Variants in LINGO2 observed in about 807,000 individuals in gnomAD.
The protein encoded by LINGO2 is leucine rich repeat and Ig domain containing 2.
LINGO2 carries 14 observed loss-of-function variants against 30.6 expected under a neutral mutation model. The observed-to-expected ratio is 0.46, with a 90% CI of 0.30 to 0.72. The LOEUF (loss-of-function observed/expected upper bound fraction) is 0.72, where lower values mean the gene tolerates loss of function less well. Ranked by LOEUF, LINGO2 falls within the 30% of genes least tolerant of loss-of-function variation. The pLI is 0.07. For missense variants in LINGO2, 729 were observed against 751.7 expected, an observed-to-expected ratio of 0.97 and a Z score of 0.35; for synonymous variants, 317 against 288.5, an observed-to-expected ratio of 1.10 and a Z score of -1.00.
chr9:28,155,765 A>C (rs888838315), intron 4 of LINGO2, among the ~76,000 whole-genome samples: 4 of 152,162 alleles, frequency 2.6e-5, no homozygotes, highest in Non-Finnish European at 5.9e-5. Flanking sequence ...TTGGGAAGTG[A>C]TTATCTCACA....
At chr9:28,942,425 A>G in the LINGO2 span, among the ~76,000 whole-genome samples, 1 of 152,278 alleles carries the variant, frequency 6.6e-6, no homozygotes, top group South Asian at 2.1e-4. Flanking sequence ...AATTATAGAA[A>G]TCACCAAAAA....
In LINGO2 at chr9:28,430,748, T is replaced by A. The variant is rs149304501; in HGVS notation, c.-279+45192A>T. Among the ~76,000 whole-genome samples, 345 of 152,206 alleles carry A rather than the reference T, an allele frequency of 2.3e-3. 2 individuals carry two copies. The highest frequency in any genetic ancestry group is 7.9e-3 in the African/African-American group (328 of 41,542). ...GTAGCTTAAAACAACAAATGCTTAC[T>A]TTTTTACAGTTTCTATATGCCAGGA... On this transcript the variant is annotated intron_variant, in intron 2 of 5. Coordinates refer to ENST00000379992, the Ensembl canonical transcript of LINGO2.
intron 1 of LINGO2, among the ~76,000 whole-genome samples, chr9:28,522,244 A>G (rs1262114105): frequency 3.3e-5 from 5 of 152,208 alleles, no homozygotes; most frequent in African/African-American, 9.6e-5. Context: ...ATTAGTAGGA[A>G]CTCTGTGAAA....
the LINGO2 span, among the ~76,000 whole-genome samples, chr9:29,087,967 T>C: frequency 6.6e-6 from 1 of 152,254 alleles, no homozygotes; most frequent in African/African-American, 2.4e-5. Context: ...TGCTGGCACA[T>C]GTTGAGTACT....
At chr9:28,788,865 G>C in the LINGO2 span, among the ~76,000 whole-genome samples, 1 of 152,156 alleles carries the variant, frequency 6.6e-6, no homozygotes, top group Non-Finnish European at 1.5e-5. Context: ...TGAGATTTGG[G>C]TGAGGACACA....
the LINGO2 span, among the ~76,000 whole-genome samples, chr9:29,083,740 T>G: frequency 6.6e-6 from 1 of 152,068 alleles, no homozygotes; most frequent in Non-Finnish European, 1.5e-5. Flanking sequence ...AAACAGAAAT[T>G]GTGCTTTGGA....
chr9:28,802,927 C>T, the LINGO2 span, among the ~76,000 whole-genome samples: 1 of 151,876 alleles, frequency 6.6e-6, no homozygotes. Flanking sequence ...CCTCATGTCC[C>T]GGGAGTCAAT....
At chr9:28,306,742 G>T (rs1296710987) in intron 3 of LINGO2, among the ~76,000 whole-genome samples, 1 of 151,924 alleles carries the variant, frequency 6.6e-6, no homozygotes, top group African/African-American at 2.4e-5. Context: ...AATGATAAAG[G>T]GGATATCACC....
the LINGO2 span, among the ~76,000 whole-genome samples, chr9:28,941,461 C>G: frequency 0.16 from 23,566 of 151,934 alleles, 1,884 homozygotes; most frequent in South Asian, 0.2. Context: ...ATGATACTGT[C>G]CAATTAAATT....
chr9:28,243,269 C>A (rs1311951068), intron 4 of LINGO2, among the ~76,000 whole-genome samples: 1 of 151,980 alleles, frequency 6.6e-6, no homozygotes, highest in African/African-American at 2.4e-5. Flanking sequence ...CCAGCCTGGG[C>A]AACATGGTGA....
At chr9:28,309,232 C>T (rs1208816618) in intron 3 of LINGO2, among the ~76,000 whole-genome samples, 4 of 152,106 alleles carry the variant, frequency 2.6e-5, no homozygotes, top group Admixed American at 6.5e-5. Flanking sequence ...CACATATACA[C>T]CATGGAATAC....
intron 4 of LINGO2, among the ~76,000 whole-genome samples, chr9:28,157,668 A>T (rs1828171827): frequency 6.6e-6 from 1 of 152,074 alleles, no homozygotes. Context: ...TCCTTATAAA[A>T]CTGACTGACT....
chr9:28,314,937 A>T (rs534686755), intron 3 of LINGO2, among the ~76,000 whole-genome samples: 5 of 149,918 alleles, frequency 3.3e-5, no homozygotes, highest in African/African-American at 1.2e-4. Flanking sequence ...GTGAGCCGAG[A>T]TGGCGGAGTT....
At chr9:28,906,162 G>A in the LINGO2 span, among the ~76,000 whole-genome samples, 1 of 151,968 alleles carries the variant, frequency 6.6e-6, no homozygotes, top group South Asian at 2.1e-4. Context: ...GTGGCAGGCT[G>A]GGGAGATGTG....
At chr9:28,683,161 C>T in the LINGO2 span, among the ~76,000 whole-genome samples, 1 of 152,090 alleles carries the variant, frequency 6.6e-6, no homozygotes, top group Non-Finnish European at 1.5e-5. Context: ...AGTACTTGTG[C>T]TTCATTTTAA....
chr9:28,786,894 T>A, the LINGO2 span, among the ~76,000 whole-genome samples: 1 of 152,176 alleles, frequency 6.6e-6, no homozygotes. Flanking sequence ...AAGAATATCC[T>A]ATTCCAGAGT....
chr9:28,918,958 T>C, the LINGO2 span, among the ~76,000 whole-genome samples: 1 of 152,166 alleles, frequency 6.6e-6, no homozygotes, highest in Non-Finnish European at 1.5e-5. Flanking sequence ...CCCAAACATC[T>C]ATTTAAAGTA....
At chr9:28,925,599 G>T in the LINGO2 span, among the ~76,000 whole-genome samples, 3 of 152,142 alleles carry the variant, frequency 2.0e-5, no homozygotes, top group Non-Finnish European at 4.4e-5. Flanking sequence ...TGCTCTCTTT[G>T]TATCTCTTCC....
the LINGO2 span, among the ~76,000 whole-genome samples, chr9:28,789,815 G>A: frequency 3.9e-5 from 6 of 152,110 alleles, no homozygotes; most frequent in Admixed American, 6.6e-5. Flanking sequence ...CATGGCATAT[G>A]TAATTTCTTT....
Sources: allele counts gnomAD v4.1 joint callset (sites outside exome capture counted in the v4.1 genomes callset), GRCh38; gene constraint gnomAD v4.1.1; transcripts MANE v1.5; gene names NCBI Gene and HGNC (gene_info 2026-07-23, HGNC 2026-07-21).